The following SRPK2 variants were observed in gnomAD, a reference collection of about 807,000 sequenced individuals.
SRPK2 encodes SRSF protein kinase 2.
SRPK2 carries 21 observed loss-of-function variants against 90.8 expected under a neutral mutation model. The observed-to-expected ratio is 0.23, with a 90% CI of 0.16 to 0.33. SRPK2 has a LOEUF of 0.33. Ranked by LOEUF, SRPK2 falls within the 10% of genes least tolerant of loss-of-function variation. The pLI is 1.00. For missense variants in SRPK2, 620 were observed against 869.0 expected (o/e 0.71, Z 3.60); for synonymous variants, 288 against 311.1 (o/e 0.93, Z 0.78).
At chr7:105,176,415 C>A (rs1185758829) in intron 3 of SRPK2, among the ~76,000 whole-genome samples, 2 of 152,032 alleles carry the variant, frequency 1.3e-5, no homozygotes, top group South Asian at 4.2e-4. Context: ...TCTGCTCTCC[C>A]CATTTCTAGT....
intron 2 of SRPK2, among the ~76,000 whole-genome samples, chr7:105,343,753 A>G (rs1816109052): frequency 1.3e-5 from 2 of 151,968 alleles, no homozygotes; most frequent in African/African-American, 2.4e-5. Flanking sequence ...TTACAATGTC[A>G]TATCTTTTTT....
intron 2 of SRPK2, among the ~76,000 whole-genome samples, chr7:105,274,396 T>C (rs956711877): frequency 6.6e-6 from 1 of 151,982 alleles, no homozygotes; most frequent in African/African-American, 2.4e-5. Context: ...ACACCAACTC[T>C]ACTAAAAATA....
chr7:105,128,065 A>C (rs937723788), intron 13 of SRPK2, among the ~76,000 whole-genome samples: 19 of 152,272 alleles, frequency 1.2e-4, no homozygotes, highest in African/African-American at 4.6e-4. Flanking sequence ...AGGCACCTTT[A>C]AGGGAAGGCT....
upstream of SRPK2, among the ~76,000 whole-genome samples, chr7:105,393,887 A>G (rs1822247404): frequency 6.6e-6 from 1 of 151,878 alleles, no homozygotes; most frequent in Non-Finnish European, 1.5e-5. Context: ...ATAGTGAACT[A>G]TGATCGCGCT....
At chr7:105,370,911 C>T (rs779685138) in intron 2 of SRPK2, among the ~76,000 whole-genome samples, 47 of 151,920 alleles carry the variant, frequency 3.1e-4, no homozygotes, top group Non-Finnish European at 2.8e-4. Flanking sequence ...CTACTGCGCC[C>T]GGCCGGATTA....
intron 15 of SRPK2, among the ~76,000 whole-genome samples, chr7:105,120,263 C>T (rs1800147359): frequency 6.6e-6 from 1 of 152,150 alleles, no homozygotes; most frequent in South Asian, 2.1e-4. Context: ...TAGGTAACTA[C>T]AGAGAAGCAC....
At chr7:105,389,377 C>T (rs1050551809), upstream of SRPK2, 13 of 1,254,902 alleles carry the variant, frequency 1.0e-5, no homozygotes, top group Admixed American at 1.0e-4. Flanking sequence ...CCATGAGCGC[C>T]GCTTCCTCCT....
intron 2 of SRPK2, among the ~76,000 whole-genome samples, chr7:105,296,025 G>T (rs987505286): frequency 6.6e-6 from 1 of 152,124 alleles, no homozygotes; most frequent in Non-Finnish European, 1.5e-5. Context: ...GGTTAAACTG[G>T]GTTGCTAATA....
At chr7:105,240,030 C>A (rs1441606724) in intron 2 of SRPK2, among the ~76,000 whole-genome samples, 1 of 152,160 alleles carries the variant, frequency 6.6e-6, no homozygotes, top group African/African-American at 2.4e-5. Flanking sequence ...AAAGGTCTTA[C>A]TCTGTTTAGG....
chr7:105,177,631 C>T (rs372569217), intron 3 of SRPK2, among the ~76,000 whole-genome samples: 19 of 152,198 alleles, frequency 1.2e-4, no homozygotes, highest in Admixed American at 6.6e-4. Context: ...ATCCTGGGGG[C>T]GGCTATGCAT....
Position 105,256,157 on chromosome 7 carries a change from T to C in SRPK2, c.72-52372A>G, listed in dbSNP as rs552193099. ...ATTATTTCAATCTACAGCTAATGCT[T>C]AGTAATCACAGTATTTAAAAATCCC... On this transcript the variant is annotated intron_variant, in intron 2 of 15. Coordinates refer to ENST00000393651, the MANE Select transcript of SRPK2 (RefSeq NM_182692.3). 6.6e-4 allele frequency among the ~76,000 whole-genome samples: 100 copies of C among 152,288 alleles called. No homozygotes were observed. The South Asian group carries it at 0.018, about 28-fold the overall frequency.
intron 2 of SRPK2, among the ~76,000 whole-genome samples, chr7:105,274,044 A>T (rs1221666228): frequency 6.6e-6 from 1 of 152,190 alleles, no homozygotes; most frequent in Non-Finnish European, 1.5e-5. Context: ...TCTCCAGAAG[A>T]TTACTGTTGC....
At chr7:105,359,186 G>A (rs577939931) in intron 2 of SRPK2, among the ~76,000 whole-genome samples, 1 of 118,748 alleles carries the variant, frequency 8.4e-6, no homozygotes, top group African/African-American at 3.1e-5. Context: ...GGAGACAAAG[G>A]CTCGCTCTAT....
chr7:105,279,128 T>C (rs1585502025), intron 2 of SRPK2, among the ~76,000 whole-genome samples: 1 of 152,026 alleles, frequency 6.6e-6, no homozygotes, highest in East Asian at 2.0e-4. Context: ...GCAAGATCAT[T>C]TGTGCTCCTG....
intron 2 of SRPK2, among the ~76,000 whole-genome samples, chr7:105,381,652 T>C (rs1019568961): frequency 3.3e-5 from 5 of 152,218 alleles, no homozygotes; most frequent in African/African-American, 1.2e-4. Context: ...ACTAGGTATT[T>C]GCTTCGTGTC....
At chr7:105,204,859 C>T in intron 2 of SRPK2, 1 of 454,542 alleles carries the variant, frequency 2.2e-6, no homozygotes. Context: ...GACCTAAGCC[C>T]TAGTTGTTGA....
At chr7:105,207,015 C>T (rs1796309323) in intron 2 of SRPK2, among the ~76,000 whole-genome samples, 1 of 152,212 alleles carries the variant, frequency 6.6e-6, no homozygotes, top group African/African-American at 2.4e-5. Flanking sequence ...TTCAATGTAA[C>T]CGCCAATTCT....
chr7:105,393,958 C>T (rs577341823), upstream of SRPK2, among the ~76,000 whole-genome samples: 2 of 151,978 alleles, frequency 1.3e-5, no homozygotes, highest in African/African-American at 4.8e-5. Context: ...ATTGCTCCCC[C>T]CAAAAAGAAC....
intron 2 of SRPK2, among the ~76,000 whole-genome samples, chr7:105,241,738 G>A (rs1009403639): frequency 2.0e-5 from 3 of 151,896 alleles, no homozygotes; most frequent in South Asian, 2.1e-4. Flanking sequence ...CAGGAAGATC[G>A]AGTCAGACGT....
Sources: allele counts gnomAD v4.1 joint callset (sites outside exome capture counted in the v4.1 genomes callset), GRCh38; gene constraint gnomAD v4.1.1; transcripts MANE v1.5; gene names NCBI Gene and HGNC (gene_info 2026-07-23, HGNC 2026-07-21).